The following MEGF11 variants were observed in gnomAD, a reference collection of about 807,000 sequenced individuals.
MEGF11 encodes multiple epidermal growth factor-like domains protein 11.
In MEGF11, 126 loss-of-function variants were observed where a neutral mutation model predicts 146.6. The ratio of observed to expected loss-of-function variants is 0.86; its 90% CI spans 0.74 to 1.00. The LOEUF (loss-of-function observed/expected upper bound fraction) is 1.00, where lower values mean the gene tolerates loss of function less well. Ranked by LOEUF, MEGF11 falls within the 50% of genes least tolerant of loss-of-function variation. The probability of loss-of-function intolerance (pLI) is 0.00; values close to 1 mark genes in which losing one functional copy is unlikely to be tolerated. For synonymous variants in MEGF11, 532 were observed against 583.4 expected, an observed-to-expected ratio of 0.91 and a Z score of 1.27; for missense variants, 1,509 against 1,521.2, an observed-to-expected ratio of 0.99 and a Z score of 0.13.
At chr15:66,202,170 C>T (rs1364058615) in intron 1 of MEGF11, among the ~76,000 whole-genome samples, 2 of 152,006 alleles carry the variant, frequency 1.3e-5, no homozygotes, top group East Asian at 3.9e-4. Flanking sequence ...ACTCATCACA[C>T]ATGCATGCAC....
At chr15:65,900,523 G>A (rs771113381) in intron 24 of MEGF11, among the ~76,000 whole-genome samples, 97 of 152,210 alleles carry the variant, frequency 6.4e-4, no homozygotes, top group Non-Finnish European at 1.6e-4. Context: ...TCAGCAGATA[G>A]TATTTCCTCA....
intron 10 of MEGF11, among the ~76,000 whole-genome samples, chr15:65,943,464 G>A (rs867983649): frequency 2.6e-5 from 4 of 152,120 alleles, no homozygotes; most frequent in African/African-American, 7.2e-5. Context: ...GTGAGCTTGT[G>A]TATGTGTGCT....
intron 1 of MEGF11, among the ~76,000 whole-genome samples, chr15:66,150,030 A>T (rs376078402): frequency 6.6e-6 from 1 of 152,020 alleles, no homozygotes; most frequent in African/African-American, 2.4e-5. Context: ...AATTAAAGCG[A>T]GATGCTACAT....
At chr15:66,180,093 C>A (rs573674877) in intron 1 of MEGF11, among the ~76,000 whole-genome samples, 5 of 152,338 alleles carry the variant, frequency 3.3e-5, no homozygotes, top group African/African-American at 1.2e-4. Flanking sequence ...AAGTTCTCCA[C>A]AGTTGAAAAA....
intron 15 of MEGF11, among the ~76,000 whole-genome samples, chr15:65,921,288 C>G (rs999314974): frequency 2.6e-5 from 4 of 152,142 alleles, no homozygotes; most frequent in Non-Finnish European, 5.9e-5. Context: ...TTTAACTTAC[C>G]CTAAGCTCCC....
At chr15:66,188,687 C>A (rs942201618) in intron 1 of MEGF11, among the ~76,000 whole-genome samples, 4 of 152,322 alleles carry the variant, frequency 2.6e-5, no homozygotes, top group African/African-American at 9.6e-5. Context: ...AGACTCCTGG[C>A]CTTCTCCTCC....
chr15:66,003,733 G>A (rs1035515391), intron 5 of MEGF11, among the ~76,000 whole-genome samples: 3 of 152,124 alleles, frequency 2.0e-5, no homozygotes, highest in Admixed American at 6.5e-5. Flanking sequence ...TCAAGTCCAG[G>A]TGCATGACGG....
chr15:66,206,473 A>G (rs765546847), intron 1 of MEGF11, among the ~76,000 whole-genome samples: 1 of 152,248 alleles, frequency 6.6e-6, no homozygotes, highest in Non-Finnish European at 1.5e-5. Flanking sequence ...AAGGAAATCC[A>G]TTCTAAGATG....
At chr15:66,132,498 C>A (rs1178030501) in intron 1 of MEGF11, among the ~76,000 whole-genome samples, 1 of 152,240 alleles carries the variant, frequency 6.6e-6, no homozygotes, top group Non-Finnish European at 1.5e-5. Context: ...GTCCATCTTC[C>A]CGTGATCCTT....
At chr15:66,209,368 A>G (rs1267293324) in intron 1 of MEGF11, among the ~76,000 whole-genome samples, 1 of 152,072 alleles carries the variant, frequency 6.6e-6, no homozygotes, top group Non-Finnish European at 1.5e-5. Context: ...AAAACAAAAA[A>G]AACTAAACAC....
At position 66,149,953 on chromosome 15, in the gene MEGF11, C is replaced by A. The variant is rs528542114; in HGVS notation, c.-8-21542G>T. ...GTGGCCTTGGGCCTAGAAGAACGCCCATCCCATTGCTCCCTGGAAGCAGTG... is the reference window on the plus strand; with the variant it reads ...GTGGCCTTGGGCCTAGAAGAACGCCAATCCCATTGCTCCCTGGAAGCAGTG... On this transcript the variant is annotated intron_variant, in intron 1 of 25. Transcript: ENST00000395614. 9.4e-4 allele frequency among the ~76,000 whole-genome samples: 143 copies of A among 152,366 alleles called. 1 individual carries two copies. Among genetic ancestry groups the A allele is most frequent in the African/African-American group, 3.2e-3 (135 of 41,584 alleles).
At chr15:65,961,002 C>A (rs1055512177) in intron 9 of MEGF11, among the ~76,000 whole-genome samples, 1 of 151,778 alleles carries the variant, frequency 6.6e-6, no homozygotes, top group African/African-American at 2.4e-5. Flanking sequence ...GGGATATCTA[C>A]TTTCTTAATT....
At chr15:65,944,496 A>T (rs565236977) in intron 10 of MEGF11, among the ~76,000 whole-genome samples, 3 of 152,210 alleles carry the variant, frequency 2.0e-5, no homozygotes, top group African/African-American at 7.2e-5. Context: ...GCTGGAGTTC[A>T]GGGGTTAGGG....
At chr15:66,161,383 A>G (rs1009710912) in intron 1 of MEGF11, among the ~76,000 whole-genome samples, 1 of 152,180 alleles carries the variant, frequency 6.6e-6, no homozygotes, top group Non-Finnish European at 1.5e-5. Flanking sequence ...GAAGCTGGTC[A>G]CATAATCTCC....
intron 5 of MEGF11, among the ~76,000 whole-genome samples, chr15:66,082,534 G>A (rs1410469389): frequency 7.0e-6 from 1 of 142,852 alleles, no homozygotes; most frequent in Non-Finnish European, 1.5e-5. Context: ...TTAGCCAGGT[G>A]TGGTGGTGTG....
intron 9 of MEGF11, among the ~76,000 whole-genome samples, chr15:65,962,052 A>ACAGAGATAG (rs1334173690): frequency 6.6e-6 from 1 of 152,206 alleles, no homozygotes; most frequent in African/African-American, 2.4e-5. Context: ...ACTTGCTTAG[A>ACAGAGATAG]CAGAGATAGG....
chr15:65,912,502 A>C, intron 20 of MEGF11: 1 of 210,320 alleles, frequency 4.8e-6, no homozygotes, highest in Non-Finnish European at 9.4e-6. Context: ...ATAGCCTTAC[A>C]TGTCCCTGAG....
At chr15:65,977,347 T>G (rs2081487085) in intron 7 of MEGF11, among the ~76,000 whole-genome samples, 2 of 152,054 alleles carry the variant, frequency 1.3e-5, no homozygotes, top group Non-Finnish European at 2.9e-5. Context: ...CAATGGACAG[T>G]GAGCTGTGGT....
At chr15:66,087,313 G>C (rs1423182951) in intron 5 of MEGF11, among the ~76,000 whole-genome samples, 1 of 152,122 alleles carries the variant, frequency 6.6e-6, no homozygotes, top group Non-Finnish European at 1.5e-5. Flanking sequence ...CTACTTCCCA[G>C]AACAAATGGA....
Sources: allele counts gnomAD v4.1 joint callset (sites outside exome capture counted in the v4.1 genomes callset), GRCh38; gene constraint gnomAD v4.1.1; transcripts MANE v1.5; gene names NCBI Gene and HGNC (gene_info 2026-07-23, HGNC 2026-07-21).